The following MLLT10 variants were observed in gnomAD, a reference collection of about 807,000 sequenced individuals.
The protein encoded by MLLT10 is MLLT10 histone lysine methyltransferase DOT1L cofactor, also known as protein AF-10.
A neutral mutation model predicts 129.1 loss-of-function variants in MLLT10; 30 were observed. That is an observed-to-expected ratio of 0.23 (90% CI 0.17 to 0.32). MLLT10 has a LOEUF of 0.32. Ranked by LOEUF, MLLT10 falls within the 10% of genes least tolerant of loss-of-function variation. The pLI, the probability that MLLT10 is intolerant of heterozygous loss-of-function variation, is 1.00. For synonymous variants in MLLT10, 490 were observed against 446.4 expected (o/e 1.10, Z -1.23); for missense variants, 1,119 against 1,268.3 (o/e 0.88, Z 1.79).
At chr10:21,704,016 GTTTTTTTTTT>G (rs60982595) in intron 13 of MLLT10, among the ~76,000 whole-genome samples, 8 of 56,634 alleles carry the variant, frequency 1.4e-4, no homozygotes, top group Admixed American at 6.2e-4. Context: ...ATTGTTTTTT[GTTTTTTTTTT>G]TTTTTTTTTT....
chr10:21,536,485 C>T (rs1188845418), intron 2 of MLLT10, among the ~76,000 whole-genome samples: 1 of 152,138 alleles, frequency 6.6e-6, no homozygotes, highest in African/African-American at 2.4e-5. Flanking sequence ...TAGAAGTACA[C>T]CTGAATAAAG....
chr10:21,645,494 T>C (rs2048388154), intron 8 of MLLT10, among the ~76,000 whole-genome samples: 1 of 152,206 alleles, frequency 6.6e-6, no homozygotes, highest in African/African-American at 2.4e-5. Context: ...AAGAATTGAG[T>C]CATATTAAAA....
intron 3 of MLLT10, among the ~76,000 whole-genome samples, chr10:21,548,902 T>G (rs1169682704): frequency 6.6e-6 from 1 of 152,194 alleles, no homozygotes; most frequent in Non-Finnish European, 1.5e-5. Flanking sequence ...TCTCAGATTT[T>G]GGAATTCTTT....
intron 5 of MLLT10, among the ~76,000 whole-genome samples, chr10:21,603,061 T>G (rs1355219591): frequency 2.0e-5 from 3 of 151,522 alleles, no homozygotes; most frequent in African/African-American, 7.3e-5. Context: ...AAAATTTTTT[T>G]CTTTTTTTTT....
At chr10:21,567,855 T>A (rs2039766082) in intron 3 of MLLT10, among the ~76,000 whole-genome samples, 1 of 151,440 alleles carries the variant, frequency 6.6e-6, no homozygotes, top group Non-Finnish European at 1.5e-5. Flanking sequence ...AGTCTCTCTC[T>A]GTCACCCAGG....
chr10:21,669,196 A>C (rs1181119946), intron 9 of MLLT10: 2 of 754,852 alleles, frequency 2.6e-6, no homozygotes, highest in East Asian at 1.1e-4. Flanking sequence ...TTTTTATGAA[A>C]TATTTCTTCT....
Position 21,727,861 on chromosome 10 carries a change from G to T in MLLT10, c.1996G>T (p.Asp666Tyr). 3.1e-6 allele frequency: 5 copies of T among 1,613,730 alleles called. No individual in the cohort carries two copies. Among genetic ancestry groups the T allele is most frequent in the Non-Finnish European group, 3.4e-6 (4 of 1,179,760 alleles). The change falls in exon 16 of 23, where the codon GAT (aspartate) becomes TAT (tyrosine). Residue 666 changes from aspartate (D) to tyrosine (Y), a missense_variant. Asp to Tyr is a radical substitution (Grantham distance 160). Transcript: ENST00000307729. ...AQSENNQTDQ[D>Y]LGDNSRNLVG... ...CTGAAATATTTACACTACAGATCAA[G>T]ATCTTGGAGACAATAGCCGCAACCT... is the stretch of plus-strand genomic sequence containing the variant.
chr10:21,541,751 C>T (rs2035199027), intron 3 of MLLT10, among the ~76,000 whole-genome samples: 1 of 152,122 alleles, frequency 6.6e-6, no homozygotes, highest in Admixed American at 6.6e-5. Context: ...TGAGCTCAAG[C>T]AGTCCTCCTA....
chr10:21,736,231 C>T (rs1012566030), intron 21 of MLLT10, among the ~76,000 whole-genome samples: 12 of 152,042 alleles, frequency 7.9e-5, no homozygotes, highest in African/African-American at 2.4e-4. Context: ...AGGCAGGAGA[C>T]GTAGGTGTTA....
chr10:21,596,304 C>A (rs1375567477), intron 5 of MLLT10, among the ~76,000 whole-genome samples: 1 of 152,188 alleles, frequency 6.6e-6, no homozygotes, highest in East Asian at 1.9e-4. Context: ...TTGGAACTTA[C>A]ACAGCATCTT....
intron 14 of MLLT10, among the ~76,000 whole-genome samples, chr10:21,720,862 C>T (rs1480195547): frequency 2.0e-5 from 3 of 151,906 alleles, no homozygotes; most frequent in Non-Finnish European, 4.4e-5. Flanking sequence ...TTTTTTAAGC[C>T]CTTTGCATAT....
At chr10:21,586,379 T>C (rs1256829999) in intron 4 of MLLT10, 31 bp downstream of exon 4, 1 of 1,457,066 alleles carries the variant, frequency 6.9e-7, no homozygotes, top group Non-Finnish European at 9.4e-7. Context: ...AAAAAAATTT[T>C]ATTGAAAACT....
At chr10:21,706,830 T>C (rs1158170246) in intron 13 of MLLT10, among the ~76,000 whole-genome samples, 2 of 152,256 alleles carry the variant, frequency 1.3e-5, no homozygotes, top group Non-Finnish European at 2.9e-5. Context: ...ATTCTTCTCC[T>C]GAGATCACTG....
chr10:21,546,560 A>G (rs1588841709), intron 3 of MLLT10, among the ~76,000 whole-genome samples: 1 of 125,922 alleles, frequency 7.9e-6, no homozygotes, highest in Non-Finnish European at 1.6e-5. Context: ...ACGCCCCACC[A>G]CTCCTGGCTA....
chr10:21,603,076 A>G (rs1159058842), intron 5 of MLLT10, among the ~76,000 whole-genome samples: 1 of 149,094 alleles, frequency 6.7e-6, no homozygotes, highest in Non-Finnish European at 1.5e-5. Context: ...TTTTTTTGAG[A>G]TGGAATCTCA....
intron 14 of MLLT10, among the ~76,000 whole-genome samples, chr10:21,725,243 T>C (rs2057399464): frequency 6.6e-6 from 1 of 152,178 alleles, no homozygotes; most frequent in Non-Finnish European, 1.5e-5. Context: ...ATATGAGAGA[T>C]TGAAGCATTT....
At chr10:21,685,582 G>C (rs572474522) in intron 13 of MLLT10, among the ~76,000 whole-genome samples, 1 of 152,226 alleles carries the variant, frequency 6.6e-6, no homozygotes, top group South Asian at 2.1e-4. Context: ...TGATCCGCAA[G>C]TGGTCCACCT....
At chr10:21,575,398 T>C (rs1337307112) in intron 3 of MLLT10, among the ~76,000 whole-genome samples, 1 of 152,208 alleles carries the variant, frequency 6.6e-6, no homozygotes, top group Non-Finnish European at 1.5e-5. Flanking sequence ...AGTTTCATCA[T>C]GTAGGCCAGG....
chr10:21,694,986 G>A (rs1426741455), intron 13 of MLLT10, among the ~76,000 whole-genome samples: 1 of 151,506 alleles, frequency 6.6e-6, no homozygotes, highest in Non-Finnish European at 1.5e-5. Context: ...CTCACACTTA[G>A]AATCTGTCTG....
Sources: allele counts gnomAD v4.1 joint callset (sites outside exome capture counted in the v4.1 genomes callset), GRCh38; gene constraint gnomAD v4.1.1; transcripts MANE v1.5; gene names NCBI Gene and HGNC (gene_info 2026-07-23, HGNC 2026-07-21).